GTF2IRD1: variants seen among roughly 807,000 people sequenced by gnomAD.
The protein encoded by GTF2IRD1 is GTF2I repeat domain containing 1.
Under a neutral mutation model 113.2 loss-of-function variants are expected in GTF2IRD1, and 26 were observed. The observed-to-expected ratio is 0.23, with a 90% CI of 0.17 to 0.32. GTF2IRD1 has a LOEUF of 0.32. Among genes scored for constraint, GTF2IRD1 ranks in the 10% least tolerant of loss-of-function variants. The pLI, the probability that GTF2IRD1 is intolerant of heterozygous loss-of-function variation, is 1.00. For missense variants in GTF2IRD1, 864 were observed against 1,280.8 expected (o/e 0.67, Z 4.97); for synonymous variants, 484 against 529.1 (o/e 0.91, Z 1.17).
At chr7:74,551,956 TAAAG>T (rs1554355160) in intron 17 of GTF2IRD1, among the ~76,000 whole-genome samples, 2 of 151,674 alleles carry the variant, frequency 1.3e-5, no homozygotes, top group African/African-American at 4.8e-5. Flanking sequence ...TAAATAAAAA[TAAAG>T]ACTGTTGGGA....
chr7:74,591,627 G>A (rs1438302695), intron 24 of GTF2IRD1, among the ~76,000 whole-genome samples: 7 of 152,042 alleles, frequency 4.6e-5, no homozygotes, highest in African/African-American at 1.4e-4. Context: ...TGATCTGCCC[G>A]CCTCAGCCTC....
chr7:74,590,036 G>C, intron 23 of GTF2IRD1, 108 bp downstream of exon 23: 1 of 671,732 alleles, frequency 1.5e-6, no homozygotes, highest in Non-Finnish European at 2.7e-6. Flanking sequence ...CTGGCTGCCT[G>C]CTCCCTGGTG....
At chr7:74,467,652 T>C (rs1554331250) in intron 1 of GTF2IRD1, among the ~76,000 whole-genome samples, 1 of 151,816 alleles carries the variant, frequency 6.6e-6, no homozygotes, top group African/African-American at 2.4e-5. Context: ...AGGCATGCAC[T>C]ACCACACCTA....
chr7:74,520,602 T>C (rs1797226005), intron 6 of GTF2IRD1, among the ~76,000 whole-genome samples: 1 of 151,918 alleles, frequency 6.6e-6, no homozygotes. Flanking sequence ...TGGATAACTC[T>C]GCCAAGTGGT....
chr7:74,517,438 T>C lies in GTF2IRD1; in HGVS notation c.422-701T>C, dbSNP rs1434163990. On this transcript the variant is annotated intron_variant, in intron 4 of 26. Coordinates refer to ENST00000424337, the MANE Select transcript of GTF2IRD1 (RefSeq NM_005685.4). ...CTTCCTCCCTACACCTTTTTTTTTT[T>C]TTTTTTTTTTTTGAGATGGATTCTC... Among the ~76,000 whole-genome samples, 496 of 143,996 alleles carry C rather than the reference T, an allele frequency of 3.4e-3. 7 individuals are homozygous for C. Among genetic ancestry groups the C allele is most frequent in the African/African-American group, 0.012 (450 of 38,272 alleles). 94.5% of individuals were successfully genotyped at this position (143,996 alleles called of 152,430 possible). A position where few individuals can be genotyped will look rare whatever the true frequency, so the allele number is the denominator to read the frequency against.
At chr7:74,538,629 C>G in intron 12 of GTF2IRD1, 51 bp from the exon 13 acceptor site, 1 of 1,018,838 alleles carries the variant, frequency 9.8e-7, no homozygotes, top group East Asian at 2.4e-5. Flanking sequence ...GTCACTCTGC[C>G]CAGTCGGGAT....
At chr7:74,506,083 G>C (rs781813616) in intron 1 of GTF2IRD1, 1 of 152,240 alleles carries the variant, frequency 6.6e-6, no homozygotes, top group Non-Finnish European at 1.5e-5. Flanking sequence ...AAAAGCAGAG[G>C]AGAGCCAGAA....
intron 22 of GTF2IRD1, among the ~76,000 whole-genome samples, chr7:74,566,025 A>ACG (rs1554360606): frequency 6.6e-6 from 1 of 151,856 alleles, no homozygotes; most frequent in Non-Finnish European, 1.5e-5. Flanking sequence ...ACACACACAC[A>ACG]CACACACACA....
At chr7:74,462,750 G>A (rs1485406491) in intron 1 of GTF2IRD1, among the ~76,000 whole-genome samples, 1 of 152,208 alleles carries the variant, frequency 6.6e-6, no homozygotes. Flanking sequence ...CCCAAGCCGG[G>A]GGAGCTGCTC....
chr7:74,519,567 G>A lies in GTF2IRD1; in HGVS notation c.764G>A (p.Ser255Asn). The A allele has an allele frequency of 1.9e-6, 3 of 1,612,286 alleles. No homozygotes were observed. Among genetic ancestry groups the A allele is most frequent in the Non-Finnish European group, 2.5e-6 (3 of 1,179,580 alleles). Residue 255 changes from serine (S) to asparagine (N), a missense_variant, in exon 6 of 27, where the codon AGC becomes AAC. Around this residue, in one of 7 missense-constraint regions of GTF2IRD1, gnomAD observed 195 missense variants for 196.6 expected, o/e 0.99. Coordinates refer to ENST00000424337, the MANE Select transcript of GTF2IRD1 (RefSeq NM_005685.4). ...ACCGCCACCTCCTCCTCCATGGCCA[G>A]CTTCCTGTACAGCACGGCGCTCCCC... is the stretch of plus-strand genomic sequence containing the variant. ...PPTATSSSMA[S>N]FLYSTALPNH... is the part of the protein sequence containing the mutation.
chr7:74,479,056 C>T (rs1794588360), intron 1 of GTF2IRD1, among the ~76,000 whole-genome samples: 1 of 152,140 alleles, frequency 6.6e-6, no homozygotes, highest in Non-Finnish European at 1.5e-5. Context: ...AAGCTCTGCC[C>T]CGTCCTCCAT....
chr7:74,533,435 G>A (rs781812578), intron 9 of GTF2IRD1, among the ~76,000 whole-genome samples: 16 of 152,096 alleles, frequency 1.1e-4, no homozygotes, highest in African/African-American at 3.9e-4. Context: ...ACGCCCGGCT[G>A]GTTCCATGCA....
At chr7:74,554,866 G>A (rs781859861) in intron 17 of GTF2IRD1, among the ~76,000 whole-genome samples, 8 of 152,084 alleles carry the variant, frequency 5.3e-5, no homozygotes, top group Non-Finnish European at 8.8e-5. Context: ...CCAGCTCCAC[G>A]GGAGGCCACC....
chr7:74,563,579 G>GAA (rs1171218582), intron 22 of GTF2IRD1, among the ~76,000 whole-genome samples: 3 of 128,482 alleles, frequency 2.3e-5, no homozygotes, highest in Non-Finnish European at 5.0e-5. Context: ...CTCCGTCTCA[G>GAA]AAAAAAAAAA....
chr7:74,581,338 A>C (rs1801409218), intron 22 of GTF2IRD1, among the ~76,000 whole-genome samples: 1 of 152,178 alleles, frequency 6.6e-6, no homozygotes, highest in Admixed American at 6.6e-5. Context: ...GCTGCTTTAC[A>C]GATGAGGACA....
At chr7:74,540,097 A>G in intron 14 of GTF2IRD1, 129 bp downstream of exon 14, 1 of 626,698 alleles carries the variant, frequency 1.6e-6, no homozygotes, top group Non-Finnish European at 2.9e-6. Context: ...AACCCAATAT[A>G]TGCCTGACCC....
chr7:74,469,688 G>A (rs1214569182), intron 1 of GTF2IRD1, among the ~76,000 whole-genome samples: 2 of 151,972 alleles, frequency 1.3e-5, no homozygotes, highest in African/African-American at 4.8e-5. Flanking sequence ...GGACATATGG[G>A]GTGTTTCTAC....
chr7:74,539,853 C>G (rs782697003), intron 13 of GTF2IRD1, 26 bp from the exon 14 acceptor site: 17 of 1,543,728 alleles, frequency 1.1e-5, no homozygotes, highest in Non-Finnish European at 1.4e-5. Context: ...AGAAGATACC[C>G]GTGTCATTCG....
intron 17 of GTF2IRD1, among the ~76,000 whole-genome samples, chr7:74,554,189 C>T (rs1410065162): frequency 6.6e-6 from 1 of 152,176 alleles, no homozygotes; most frequent in African/African-American, 2.4e-5. Context: ...CTCTCTGCTC[C>T]ATGGCCTACC....
Sources: allele counts gnomAD v4.1 joint callset (sites outside exome capture counted in the v4.1 genomes callset), GRCh38; gene constraint gnomAD v4.1.1; regional missense constraint gnomAD v4.1.1; transcripts MANE v1.5; gene names NCBI Gene and HGNC (gene_info 2026-07-23, HGNC 2026-07-21).